ARHGEF38: variants seen among roughly 807,000 people sequenced by gnomAD.
The protein encoded by ARHGEF38 is Rho guanine nucleotide exchange factor 38.
ARHGEF38 carries 79 observed loss-of-function variants against 79.9 expected under a neutral mutation model. The observed-to-expected ratio is 0.99, with a 90% CI of 0.82 to 1.19. The LOEUF is 1.19. Among genes scored for constraint, ARHGEF38 ranks in the 50% most tolerant of loss-of-function variants. ARHGEF38 has a pLI of 0.00. For missense variants in ARHGEF38, 962 were observed against 907.2 expected, an observed-to-expected ratio of 1.06 and a Z score of -0.78; for synonymous variants, 366 against 328.3, an observed-to-expected ratio of 1.11 and a Z score of -1.24.
At chr4:105,665,816 A>G (rs1020131986) in intron 10 of ARHGEF38, among the ~76,000 whole-genome samples, 14 of 152,202 alleles carry the variant, frequency 9.2e-5, no homozygotes, top group Non-Finnish European at 2.1e-4. Flanking sequence ...GAAAACCAGC[A>G]CAGGCTCTTA....
intron 3 of ARHGEF38, among the ~76,000 whole-genome samples, chr4:105,623,726 A>G (rs144614858): frequency 1.3e-5 from 2 of 152,328 alleles, no homozygotes; most frequent in African/African-American, 4.8e-5. Context: ...TCCATTACTG[A>G]GACAAAAACA....
chr4:105,631,305 T>A (rs114063579), intron 4 of ARHGEF38: 13 of 1,102,516 alleles, frequency 1.2e-5, no homozygotes, highest in Non-Finnish European at 1.4e-5. Flanking sequence ...TATCAAAATA[T>A]AAAATGTGGA....
rs556116173 is a variant in ARHGEF38, at chr4:105,589,998, A to G, written c.384+563A>G. On this transcript the variant is annotated intron_variant, in intron 2 of 13. Transcript: ENST00000420470. ...AGGTTGCAATGAGCCAAATCGCGCC[A>G]TTGCACTGCAGCCTGGGCAACAGAG... Among the ~76,000 whole-genome samples, 124 of 151,076 alleles carry G rather than the reference A, an allele frequency of 8.2e-4. 1 individual carries two copies. Among genetic ancestry groups the G allele is most frequent in the South Asian group, 3.0e-3 (14 of 4,736 alleles).
intron 2 of ARHGEF38, among the ~76,000 whole-genome samples, chr4:105,590,146 A>AAG (rs1409564707): frequency 6.6e-6 from 1 of 151,730 alleles, no homozygotes; most frequent in African/African-American, 2.4e-5. Context: ...AAAAAAAAGA[A>AAG]AGAAAGAAAG....
At chr4:105,631,359 C>T (rs1254792378) in intron 4 of ARHGEF38, 6 of 1,018,914 alleles carry the variant, frequency 5.9e-6, no homozygotes, top group East Asian at 9.7e-5. Context: ...CCTGGCCCCA[C>T]GTAGTTCAAG....
chr4:105,584,352 C>A (rs1034342454), intron 1 of ARHGEF38, among the ~76,000 whole-genome samples: 4 of 152,162 alleles, frequency 2.6e-5, no homozygotes, highest in Admixed American at 6.5e-5. Flanking sequence ...ATAGGGATTG[C>A]ATCTAATAAT....
rs1729793591 is a variant in ARHGEF38, at chr4:105,645,331, C to T, written c.818C>T (p.Ala273Val). 3 of 1,534,616 alleles carry T rather than the reference C, an allele frequency of 2.0e-6. No homozygotes were observed. The highest frequency in any genetic ancestry group is 1.7e-6 in the Non-Finnish European group (2 of 1,146,520). Reference sequence around the variant, plus strand: ...TACAGAGCACTGGACGATGCCTTTGCTGCTGTGAAGGACATTAATGTTAAC... The same window carrying T: ...TACAGAGCACTGGACGATGCCTTTGTTGCTGTGAAGGACATTAATGTTAAC... Reference protein sequence around the residue: ...PDYRALDDAFAAVKDINVNIN... With the variant: ...PDYRALDDAFVAVKDINVNIN... The change falls in exon 6 of 14, where the codon GCT becomes GTT. Residue 273 changes from alanine to valine, a missense_variant. By Grantham distance (64) the Ala-to-Val change is moderately conservative (BLOSUM62 0). Coordinates refer to ENST00000420470, the MANE Select transcript of ARHGEF38 (RefSeq NM_001242729.2).
intron 2 of ARHGEF38, among the ~76,000 whole-genome samples, chr4:105,602,814 T>A (rs970148059): frequency 1.3e-5 from 2 of 152,080 alleles, no homozygotes; most frequent in African/African-American, 4.8e-5. Context: ...TTGACAAAGG[T>A]AGTTGTTCAA....
At chr4:105,632,656 T>A (rs1729243138) in intron 4 of ARHGEF38, 1 of 152,202 alleles carries the variant, frequency 6.6e-6, no homozygotes, top group African/African-American at 2.4e-5. Flanking sequence ...CAATAAAAGC[T>A]GGAGCCATTT....
rs191063681 is a variant in ARHGEF38 at position 105,607,239 on chromosome 4, G to T, written c.385-6145G>T. 2.2e-3 allele frequency among the ~76,000 whole-genome samples: 331 copies of T among 152,204 alleles called. 4 individuals are homozygous for T. The highest frequency in any genetic ancestry group is 7.9e-4 in the Non-Finnish European group (54 of 67,994). On this transcript the variant is annotated intron_variant, in intron 2 of 13. Transcript: ENST00000420470. ...AAACTAAGCACCCCAGTGTGCCTTT[G>T]CAGATAAAATTAAGGATAAAATTAT...
chr4:105,644,498 G>C (rs189376887), intron 5 of ARHGEF38, among the ~76,000 whole-genome samples: 3 of 152,180 alleles, frequency 2.0e-5, no homozygotes, highest in Admixed American at 6.5e-5. Flanking sequence ...CTCCAACTTC[G>C]TCTCAGAAGC....
intron 6 of ARHGEF38, among the ~76,000 whole-genome samples, chr4:105,646,522 G>C (rs1003992402): frequency 2.0e-5 from 3 of 152,168 alleles, no homozygotes; most frequent in Non-Finnish European, 4.4e-5. Flanking sequence ...TCAATCTACA[G>C]GTGAGAATGT....
intron 1 of ARHGEF38, chr4:105,563,308 T>G (rs1300004634): frequency 6.6e-6 from 1 of 152,196 alleles, no homozygotes; most frequent in African/African-American, 2.4e-5. Flanking sequence ...TTAGGACTTT[T>G]AGGGGCAGAA....
At chr4:105,665,235 C>T (rs1452660127) in intron 10 of ARHGEF38, among the ~76,000 whole-genome samples, 2 of 151,796 alleles carry the variant, frequency 1.3e-5, no homozygotes, top group Non-Finnish European at 2.9e-5. Flanking sequence ...TCACTTATGC[C>T]TGTGATCCCA....
chr4:105,591,735 CT>C (rs1349760004), intron 2 of ARHGEF38, among the ~76,000 whole-genome samples: 1 of 152,168 alleles, frequency 6.6e-6, no homozygotes, highest in Non-Finnish European at 1.5e-5. Flanking sequence ...TATGTCAGAT[CT>C]TGCTCCAGGC....
intron 2 of ARHGEF38, 145 bp from the exon 3 acceptor site, chr4:105,613,239 A>C (rs1728371349): frequency 1.9e-6 from 2 of 1,068,998 alleles, no homozygotes; most frequent in Non-Finnish European, 2.5e-6. Context: ...AAAAAACTGC[A>C]CTCTAGAATT....
At chr4:105,677,242 C>T (rs914401641) in intron 13 of ARHGEF38, among the ~76,000 whole-genome samples, 1 of 152,142 alleles carries the variant, frequency 6.6e-6, no homozygotes, top group Admixed American at 6.5e-5. Context: ...GGATTACAGG[C>T]GTGAGCCACC....
intron 3 of ARHGEF38, among the ~76,000 whole-genome samples, chr4:105,621,147 C>T (rs1019851876): frequency 2.6e-5 from 4 of 152,114 alleles, no homozygotes; most frequent in African/African-American, 9.7e-5. Context: ...CCAGATAAGT[C>T]CTTGGATGAC....
chr4:105,672,892 G>A (rs1040710959), intron 13 of ARHGEF38, among the ~76,000 whole-genome samples: 11 of 152,154 alleles, frequency 7.2e-5, no homozygotes, highest in Admixed American at 2.0e-4. Flanking sequence ...TCAAATCCTT[G>A]CCATGTGGCT....
Sources: allele counts gnomAD v4.1 joint callset (sites outside exome capture counted in the v4.1 genomes callset), GRCh38; gene constraint gnomAD v4.1.1; transcripts MANE v1.5; gene names NCBI Gene and HGNC (gene_info 2026-07-23, HGNC 2026-07-21).